Variants in TBC1D17 observed in about 807,000 individuals in gnomAD.
TBC1D17 encodes the protein TBC1 domain family member 17.
Under a neutral mutation model 78.8 loss-of-function variants are expected in TBC1D17, and 69 were observed. The observed-to-expected ratio is 0.88, with a 90% CI of 0.72 to 1.07. The LOEUF is 1.07. Among genes scored for constraint, TBC1D17 ranks in the 50% least tolerant of loss-of-function variants. The probability of loss-of-function intolerance (pLI) is 0.00; values close to 1 mark genes in which losing one functional copy is unlikely to be tolerated. For missense variants in TBC1D17, 957 were observed against 861.0 expected, an observed-to-expected ratio of 1.11 and a Z score of -1.39; for synonymous variants, 456 against 358.3, an observed-to-expected ratio of 1.27 and a Z score of -3.08.
chr19:49,884,146 G>A (rs978463415), intron 10 of TBC1D17, 107 bp from the exon 11 acceptor site: 1 of 1,017,578 alleles, frequency 9.8e-7, no homozygotes, highest in Non-Finnish European at 1.5e-6. Flanking sequence ...CAAACCCCGA[G>A]GCTGGGGGCT....
chr19:49,888,133 C>T (rs747604440), intron 15 of TBC1D17, 98 bp from the exon 16 acceptor site: 66 of 1,534,936 alleles, frequency 4.3e-5, no homozygotes, highest in South Asian at 9.7e-5. Context: ...AGGGCCAGCC[C>T]GGTGTGTCTT....
chr19:49,879,390 C>G (rs1459781415), intron 3 of TBC1D17: 1 of 152,276 alleles, frequency 6.6e-6, no homozygotes, highest in African/African-American at 2.4e-5. Flanking sequence ...TGACCACCTG[C>G]GCTGCCCCAG....
chr19:49,883,119 G>T (rs2075030657), intron 9 of TBC1D17, 43 bp downstream of exon 9: 4 of 1,552,896 alleles, frequency 2.6e-6, no homozygotes, highest in South Asian at 1.2e-5. Flanking sequence ...ATGACACCTG[G>T]TACCTCCTAG....
chr19:49,886,030 A>G (rs1483409682), intron 13 of TBC1D17, among the ~76,000 whole-genome samples: 1 of 150,030 alleles, frequency 6.7e-6, no homozygotes, highest in African/African-American at 2.5e-5. Flanking sequence ...CCTGTAATCC[A>G]GCACTTTGGG....
rs746096994 is a variant in TBC1D17 at position 49,880,407 on chromosome 19, GCT to G, written c.319+6_319+7del. 14 of 1,612,578 alleles carry G rather than the reference GCT, an allele frequency of 8.7e-6. No individual in the cohort carries two copies. In the South Asian group the frequency reaches 9.9e-5, roughly 11 times the overall value. ...GCCACTCAGAGCCCACGAGAGGTAG[GCT>G]GAGGTGGCGGCCCTTGAGAAGCACG... On this transcript the variant is annotated splice_donor_region_variant and intron_variant, in intron 4 of 16. Coordinates refer to ENST00000221543, the MANE Select transcript of TBC1D17 (RefSeq NM_024682.3).
intron 13 of TBC1D17, among the ~76,000 whole-genome samples, chr19:49,885,764 G>A (rs372187163): frequency 1.1e-4 from 17 of 152,120 alleles, no homozygotes; most frequent in East Asian, 7.7e-4. Flanking sequence ...TTGAGGCCAG[G>A]AGTTCCAGAC....
chr19:49,880,520 C>T, intron 4 of TBC1D17, 118 bp downstream of exon 4: 1 of 1,336,564 alleles, frequency 7.5e-7, no homozygotes. Context: ...CACCAGTCAC[C>T]ACCTTCCAGT....
At chr19:49,878,906 C>CA (rs2074985027) in intron 3 of TBC1D17, 1 of 303,830 alleles carries the variant, frequency 3.3e-6, no homozygotes, top group Non-Finnish European at 6.3e-6. Flanking sequence ...TGCCAGAGGA[C>CA]AGGGCCTGAC....
Position 49,882,059 on chromosome 19 carries a change from C to T in TBC1D17, c.546C>T (p.Arg182=), listed in dbSNP as rs1376825745. ...LLLASSPQDS[R]LYLVFPHDSS... is the part of the protein sequence containing the mutation. ...CTCCCAGCTCCCCGCAGGACTCCCG[C>T]CTCTACCTTGTCTTCCCCCACGACT... The change falls in exon 6 of 17, where the codon CGC becomes CGT. Residue 182 remains arginine, a synonymous_variant. Transcript: ENST00000221543. The T allele has an allele frequency of 5.6e-6, 9 of 1,614,088 alleles. No homozygotes were observed. Among genetic ancestry groups the T allele is most frequent in the Non-Finnish European group, 7.6e-6 (9 of 1,180,010 alleles).
At chr19:49,886,118 A>G (rs2075056659) in intron 13 of TBC1D17, among the ~76,000 whole-genome samples, 1 of 151,934 alleles carries the variant, frequency 6.6e-6, no homozygotes, top group African/African-American at 2.4e-5. Context: ...CGTCTCTACT[A>G]AAAATACAAA....
chr19:49,885,457 A>ATT (rs1449953532), intron 13 of TBC1D17: 1 of 149,948 alleles, frequency 6.7e-6, no homozygotes, highest in African/African-American at 2.5e-5. Flanking sequence ...CTCAAAAAAA[A>ATT]AAAAAAAAAA....
In TBC1D17 at chr19:49,883,024, C is replaced by T. The variant is rs2075029713; in HGVS notation, c.979C>T (p.Leu327Phe). 1 of 1,611,508 alleles carries T rather than the reference C, an allele frequency of 6.2e-7. No individual in the cohort carries two copies. The highest frequency in any genetic ancestry group is 8.5e-7 in the Non-Finnish European group (1 of 1,179,114). Residue 327 changes from leucine to phenylalanine, a missense_variant, in exon 9 of 17, where the codon CTC becomes TTC. Transcript: ENST00000221543. ...GGCCTGGAAGTTCCTCCTAGGGTACCTCAGCTGGGAAGGCACAGCTGAGGA... is the reference window on the plus strand; with the variant it reads ...GGCCTGGAAGTTCCTCCTAGGGTACTTCAGCTGGGAAGGCACAGCTGAGGA... ...REAWKFLLGYLSWEGTAEEHK... is the reference protein window; with the variant it reads ...REAWKFLLGYFSWEGTAEEHK...
chr19:49,883,521 T>G, intron 9 of TBC1D17, 130 bp from the exon 10 acceptor site: 1 of 683,490 alleles, frequency 1.5e-6, no homozygotes, highest in Non-Finnish European at 2.6e-6. Flanking sequence ...AATGACGAGG[T>G]GACCTGCTTG....
chr19:49,878,713 T>G, intron 3 of TBC1D17, 141 bp downstream of exon 3: 1 of 726,082 alleles, frequency 1.4e-6, no homozygotes, highest in Non-Finnish European at 2.3e-6. Context: ...GTACTCTGCC[T>G]CTCCTTTTGC....
chr19:49,883,622 C>T, intron 9 of TBC1D17, 29 bp from the exon 10 acceptor site: 1 of 1,604,286 alleles, frequency 6.2e-7, no homozygotes, highest in Non-Finnish European at 8.5e-7. Context: ...CAGTGGCGGC[C>T]TCACATCTTG....
At chr19:49,887,611 G>A (rs759495976) in intron 14 of TBC1D17, 38 bp downstream of exon 14, 3 of 1,612,008 alleles carry the variant, frequency 1.9e-6, no homozygotes, top group Non-Finnish European at 2.5e-6. Context: ...CTGAAGGGGT[G>A]GGCTCACCTG....
Position 49,888,447 on chromosome 19 carries a change from G to A in TBC1D17, c.1770G>A (p.Glu590=), listed in dbSNP as rs371260245. The change falls in exon 17 of 17, where the codon GAG becomes GAA. Residue 590 remains glutamate (E), a synonymous_variant. Coordinates refer to ENST00000221543, the MANE Select transcript of TBC1D17 (RefSeq NM_024682.3). The part of the protein sequence containing the change: ...ACPELPHNVQ[E]ILGLAPPAEP... ...AGGAGCTGCCCCACAACGTGCAGGA[G>A]ATCCTGGGGCTGGCCCCGCCCGCAG... 280 of 1,599,878 alleles carry A rather than the reference G, an allele frequency of 1.8e-4. 3 individuals carry two copies. Among genetic ancestry groups the A allele is most frequent in the Middle Eastern group, 8.3e-4 (5 of 6,052 alleles).
Position 49,881,420 on chromosome 19 carries a change from C to T in TBC1D17, c.472C>T (p.Arg158Cys), listed in dbSNP as rs57256087. The T allele has an allele frequency of 1.6e-4, 265 of 1,612,540 alleles. 1 individual carries two copies. The East Asian group carries it at 5.0e-3, about 30-fold the overall frequency. ...GGSLPALHFH[R>C]GGTRALLRVL... Reference sequence around the variant, plus strand: ...TTCCCTGCCCGCACTGCACTTCCACCGCGGGGGCACCCGCGCCCTGCTCCG... The same window carrying T: ...TTCCCTGCCCGCACTGCACTTCCACTGCGGGGGCACCCGCGCCCTGCTCCG... The change falls in exon 5 of 17, where the codon CGC (arginine) becomes TGC (cysteine). Residue 158 changes from arginine to cysteine, a missense_variant. Coordinates refer to ENST00000221543, the MANE Select transcript of TBC1D17 (RefSeq NM_024682.3).
At position 49,882,026 on chromosome 19, in the gene TBC1D17, C is replaced by CCTCCCGCCTCCCAGCTCCCCGCAGGA. The variant is rs754639910; in HGVS notation, c.528-4_549dup. 6.2e-6 allele frequency: 10 copies of CCTCCCGCCTCCCAGCTCCCCGCAGGA among 1,608,428 alleles called. No homozygotes were observed. Among genetic ancestry groups the CCTCCCGCCTCCCAGCTCCCCGCAGGA allele is most frequent in the African/African-American group, 1.3e-5 (1 of 74,772 alleles). On this transcript the variant is annotated splice_polypyrimidine_tract_variant and intron_variant, in intron 5 of 16. Coordinates refer to ENST00000221543, the MANE Select transcript of TBC1D17 (RefSeq NM_024682.3). Reference sequence around the variant, plus strand: ...CTACCTGTGCATCACCTGTGCGTCACCTCCCGCCTCCCAGCTCCCCGCAGG... The same window carrying CCTCCCGCCTCCCAGCTCCCCGCAGGA: ...CTACCTGTGCATCACCTGTGCGTCACCTCCCGCCTCCCAGCTCCCCGCAGGACTCCCGCCTCCCAGCTCCCCGCAGG...
Sources: allele counts gnomAD v4.1 joint callset (sites outside exome capture counted in the v4.1 genomes callset), GRCh38; gene constraint gnomAD v4.1.1; transcripts MANE v1.5; gene names NCBI Gene and HGNC (gene_info 2026-07-23, HGNC 2026-07-21).